AP1S3: variants seen among roughly 807,000 people sequenced by gnomAD.
AP1S3 encodes adaptor related protein complex 1 subunit sigma 3.
Under a neutral mutation model 20.9 loss-of-function variants are expected in AP1S3, and 10 were observed. That is an observed-to-expected ratio of 0.48 (90% CI 0.29 to 0.81). The LOEUF is 0.81. Ranked by LOEUF, AP1S3 falls within the 30% of genes least tolerant of loss-of-function variation. The pLI, the probability that AP1S3 is intolerant of heterozygous loss-of-function variation, is 0.08. For synonymous variants in AP1S3, 41 were observed against 61.5 expected (o/e 0.67, Z 1.56); for missense variants, 154 against 183.8 (o/e 0.84, Z 0.94).
intron 1 of AP1S3, among the ~76,000 whole-genome samples, chr2:223,801,912 T>C (rs1691475994): frequency 6.6e-6 from 1 of 152,220 alleles, no homozygotes; most frequent in East Asian, 1.9e-4. Context: ...TCATTCTGTG[T>C]CACTAGTATT....
chr2:223,759,889 A>G (rs1383389118), intron 4 of AP1S3, among the ~76,000 whole-genome samples: 1 of 152,162 alleles, frequency 6.6e-6, no homozygotes, highest in Non-Finnish European at 1.5e-5. Flanking sequence ...CTGTCCCTGC[A>G]CTAGTTTGCT....
intron 1 of AP1S3, among the ~76,000 whole-genome samples, chr2:223,779,564 GT>G (rs1335822133): frequency 6.6e-6 from 1 of 152,028 alleles, no homozygotes; most frequent in Non-Finnish European, 1.5e-5. Flanking sequence ...GTTCAGTTTT[GT>G]TTTGTTTTTA....
intron 1 of AP1S3, among the ~76,000 whole-genome samples, chr2:223,826,588 G>A (rs540285903): frequency 1.0e-4 from 14 of 137,686 alleles, no homozygotes; most frequent in Admixed American, 3.1e-4. Flanking sequence ...GAGAGACTCC[G>A]TCTCAGAAAC....
intron 1 of AP1S3, among the ~76,000 whole-genome samples, chr2:223,831,403 A>G (rs1407740457): frequency 6.6e-6 from 1 of 152,230 alleles, no homozygotes; most frequent in African/African-American, 2.4e-5. Context: ...CAAAGTGTTA[A>G]GATTACAGGC....
At chr2:223,776,664 A>C (rs1044304867) in intron 2 of AP1S3, among the ~76,000 whole-genome samples, 1 of 152,186 alleles carries the variant, frequency 6.6e-6, no homozygotes, top group Admixed American at 6.5e-5. Flanking sequence ...TGGCTTAGGC[A>C]TCAATTACCT....
intron 3 of AP1S3, among the ~76,000 whole-genome samples, chr2:223,766,075 T>C (rs975671278): frequency 6.6e-6 from 1 of 152,152 alleles, no homozygotes; most frequent in African/African-American, 2.4e-5. Context: ...ATAAAGCTCA[T>C]TTCCCGTACT....
chr2:223,803,743 G>C (rs1259993311), intron 1 of AP1S3, among the ~76,000 whole-genome samples: 1 of 152,040 alleles, frequency 6.6e-6, no homozygotes, highest in Non-Finnish European at 1.5e-5. Flanking sequence ...AGCCGGGAGT[G>C]GTGGCGGGAG....
At chr2:223,769,736 A>ATTTTTTTTTTTT (rs61207667) in intron 3 of AP1S3, among the ~76,000 whole-genome samples, 1 of 80,122 alleles carries the variant, frequency 1.2e-5, no homozygotes, top group African/African-American at 5.2e-5. Context: ...ATGCAATCCC[A>ATTTTTTTTTTTT]TTTTTTTTTT....
At chr2:223,759,393 C>T (rs1439284556) in intron 4 of AP1S3, among the ~76,000 whole-genome samples, 2 of 152,132 alleles carry the variant, frequency 1.3e-5, no homozygotes, top group African/African-American at 2.4e-5. Context: ...AGGAGGACCA[C>T]ATCCAGGTAC....
At position 223,756,629 on chromosome 2, in the gene AP1S3, G is replaced by A; in HGVS notation, c.*2086C>T. The A allele has an allele frequency of 1.0e-6, 1 of 985,102 alleles. No individual in the cohort carries two copies. The highest frequency in any genetic ancestry group is 1.7e-5 in the African/African-American group (1 of 57,324). The allele number at this position is 985,102 out of a possible 1,614,324, so 61.0% of individuals were successfully genotyped here. On this transcript the variant is annotated 3_prime_UTR_variant, in exon 5 of 5. Transcript: ENST00000396654. Reference sequence around the variant, plus strand: ...TTACATGGTAACCTGAAGAAATATTGGATAGTAAAAGCCTAATGATTATTT... The same window carrying A: ...TTACATGGTAACCTGAAGAAATATTAGATAGTAAAAGCCTAATGATTATTT...
intron 3 of AP1S3, among the ~76,000 whole-genome samples, chr2:223,769,472 G>A (rs1034264291): frequency 1.3e-5 from 2 of 152,036 alleles, no homozygotes; most frequent in African/African-American, 4.8e-5. Context: ...ATATGCACTG[G>A]CCCTTTCCAT....
At chr2:223,821,074 C>A (rs1161352612) in intron 1 of AP1S3, among the ~76,000 whole-genome samples, 2 of 152,196 alleles carry the variant, frequency 1.3e-5, no homozygotes, top group African/African-American at 4.8e-5. Context: ...GAATGACATC[C>A]AAGCTGCTCT....
intron 1 of AP1S3, among the ~76,000 whole-genome samples, chr2:223,784,244 T>C (rs1208001379): frequency 6.6e-6 from 1 of 152,102 alleles, no homozygotes; most frequent in East Asian, 1.9e-4. Context: ...TCCAAGCACC[T>C]TTCCCTTTGA....
At position 223,757,095 on chromosome 2, in the gene AP1S3, T is replaced by C. The variant is rs2106071433; in HGVS notation, c.*1620A>G. 2 of 673,522 alleles carry C rather than the reference T, an allele frequency of 3.0e-6. No individual in the cohort carries two copies. Among genetic ancestry groups the C allele is most frequent in the Non-Finnish European group, 3.7e-6 (2 of 545,398 alleles). 41.7% of individuals were successfully genotyped at this position (673,522 alleles called of 1,614,324 possible). A position where few individuals can be genotyped will look rare whatever the true frequency, so the allele number is the denominator to read the frequency against. ...ACCTCTGCCTCCTGGGTTCAAGCCA[T>C]TCCCCTGCCTCAGCCCCCTGAGTAG... On this transcript the variant is annotated 3_prime_UTR_variant, in exon 5 of 5. Coordinates refer to ENST00000396654, the MANE Select transcript of AP1S3 (RefSeq NM_001039569.2).
At chr2:223,759,310 A>G (rs1020703740) in intron 4 of AP1S3, among the ~76,000 whole-genome samples, 2 of 151,826 alleles carry the variant, frequency 1.3e-5, no homozygotes, top group African/African-American at 4.8e-5. Context: ...AGAGAGAGAG[A>G]GATTGAAATG....
chr2:223,756,487 AAAG>A lies in AP1S3; in HGVS notation c.*2225_*2227del. 2.2e-6 allele frequency: 2 copies of A among 907,450 alleles called. No individual in the cohort carries two copies. The highest frequency in any genetic ancestry group is 1.0e-4 in the South Asian group (2 of 20,052). The allele number at this position is 907,450 out of a possible 1,614,324, so 56.2% of individuals were successfully genotyped here. A position where few individuals can be genotyped will look rare whatever the true frequency, so the allele number is the denominator to read the frequency against. On this transcript the variant is annotated 3_prime_UTR_variant, in exon 5 of 5. Transcript: ENST00000396654. ...AAAGAAAAGAAAGAAAGAAAGAAAAAAAGAAAGAAAAAATTCTAACACATTAAA... is the reference window on the plus strand; with the variant it reads ...AAAGAAAAGAAAGAAAGAAAGAAAAAAAAGAAAAAATTCTAACACATTAAA...
chr2:223,766,893 T>C (rs1251023415), intron 3 of AP1S3, among the ~76,000 whole-genome samples: 1 of 152,212 alleles, frequency 6.6e-6, no homozygotes, highest in Non-Finnish European at 1.5e-5. Context: ...GATGAGTTCA[T>C]GTCCTTTGCA....
intron 1 of AP1S3, among the ~76,000 whole-genome samples, chr2:223,782,801 C>T (rs1690980980): frequency 6.6e-6 from 1 of 152,180 alleles, no homozygotes; most frequent in South Asian, 2.1e-4. Context: ...AGCCCCCTCA[C>T]GTTCTGCTCT....
chr2:223,785,803 TAGTC>T (rs1275256784), intron 1 of AP1S3, among the ~76,000 whole-genome samples: 3 of 152,046 alleles, frequency 2.0e-5, no homozygotes, highest in Non-Finnish European at 2.9e-5. Context: ...GGAGTGCAAA[TAGTC>T]AGTATGATAC....
Sources: gnomAD v4.1 joint callset for allele counts (sites outside exome capture counted in the v4.1 genomes callset) on GRCh38, gnomAD v4.1.1 for gene constraint, MANE v1.5 for transcripts, NCBI Gene and HGNC (gene_info 2026-07-23, HGNC 2026-07-21) for gene names.